Variants in MYO16 observed in about 807,000 individuals in gnomAD.
The protein encoded by MYO16 is myosin XVI.
In MYO16, 94 loss-of-function variants were observed where a neutral mutation model predicts 205.3. That is an observed-to-expected ratio of 0.46 (90% confidence interval 0.39 to 0.54). The LOEUF (loss-of-function observed/expected upper bound fraction) is 0.54. Among genes scored for constraint, MYO16 ranks in the 20% least tolerant of loss-of-function variants. MYO16 has a pLI of 0.00. For synonymous variants in MYO16, 988 were observed against 954.0 expected, an observed-to-expected ratio of 1.04 and a Z score of -0.66; for missense variants, 2,315 against 2,387.5, an observed-to-expected ratio of 0.97 and a Z score of 0.63.
intron 15 of MYO16, among the ~76,000 whole-genome samples, chr13:108,898,836 A>G (rs1880568204): frequency 1.3e-5 from 2 of 152,186 alleles, no homozygotes; most frequent in South Asian, 2.1e-4. Flanking sequence ...ACAGATTATT[A>G]ATGCAAATTA....
chr13:109,195,242 A>T (rs1880103803), intron 34 of MYO16, among the ~76,000 whole-genome samples: 1 of 152,156 alleles, frequency 6.6e-6, no homozygotes, highest in African/African-American at 2.4e-5. Context: ...AAAACTTTTA[A>T]CGTGCCTTTT....
In MYO16 at chr13:109,140,536, G is replaced by A; in HGVS notation, c.4324G>A (p.Ala1442Thr). 1 of 1,549,922 alleles carries A rather than the reference G, an allele frequency of 6.5e-7. No individual in the cohort carries two copies. Among genetic ancestry groups the A allele is most frequent in the Non-Finnish European group, 8.7e-7 (1 of 1,155,924 alleles). Residue 1442 changes from alanine to threonine, a missense_variant, in exon 32 of 35, where the codon GCC becomes ACC. Coordinates refer to ENST00000457511, the MANE Select transcript of MYO16 (RefSeq NM_001198950.3). The surrounding 1 kb of genome is among the most constrained non-coding windows in gnomAD (Gnocchi z 8.0). ...GTACATCGAGATGCTGGGGCACGCG[G>A]CCAGGCCCGATAGCCCGGACCCCGG... ...PVYIEMLGHA[A>T]RPDSPDPGES...
At chr13:108,686,497 A>C (rs1395126418) in intron 2 of MYO16, among the ~76,000 whole-genome samples, 1 of 152,214 alleles carries the variant, frequency 6.6e-6, no homozygotes, top group Non-Finnish European at 1.5e-5. Context: ...CAGCGAAGGA[A>C]GCTGTGATGA....
intron 34 of MYO16, among the ~76,000 whole-genome samples, chr13:109,202,993 C>G (rs1259872454): frequency 1.3e-5 from 2 of 152,132 alleles, no homozygotes; most frequent in Non-Finnish European, 2.9e-5. Flanking sequence ...TGGCAAGCCA[C>G]ATATAGGAGA....
chr13:108,581,647 A>T, the MYO16 span, among the ~76,000 whole-genome samples: 1 of 151,942 alleles, frequency 6.6e-6, no homozygotes, highest in Admixed American at 6.6e-5. Flanking sequence ...GCACTTTGGG[A>T]GGTGGAGGCA....
chr13:108,502,062 A>T, the MYO16 span, among the ~76,000 whole-genome samples: 1 of 152,086 alleles, frequency 6.6e-6, no homozygotes, highest in African/African-American at 2.4e-5. Flanking sequence ...AAATACAAAA[A>T]ATTAGCTGGG....
At chr13:108,618,191 C>T (rs1178663225) in intron 1 of MYO16, among the ~76,000 whole-genome samples, 1 of 152,128 alleles carries the variant, frequency 6.6e-6, no homozygotes, top group Non-Finnish European at 1.5e-5. Flanking sequence ...GATTTAACTC[C>T]TCTGTTAAAA....
chr13:109,047,021 T>G (rs1398938383), intron 24 of MYO16, 30 bp downstream of exon 24: 1 of 1,440,818 alleles, frequency 6.9e-7, no homozygotes, highest in Non-Finnish European at 9.7e-7. Context: ...TGCCCTACAC[T>G]GGTTAAAATG....
chr13:109,097,706 G>T (rs2139704143), intron 27 of MYO16, among the ~76,000 whole-genome samples: 1 of 152,224 alleles, frequency 6.6e-6, no homozygotes, highest in South Asian at 2.1e-4. Flanking sequence ...CTTGCCTCTG[G>T]CACTGCAAAT....
At chr13:108,754,283 T>C (rs773463778) in intron 4 of MYO16, among the ~76,000 whole-genome samples, 2 of 152,030 alleles carry the variant, frequency 1.3e-5, no homozygotes, top group African/African-American at 2.4e-5. Context: ...AGCTGTAGCA[T>C]GAAGAACAAG....
chr13:108,789,592 G>A lies in MYO16; in HGVS notation c.616+3849G>A, dbSNP rs546715702. Among the ~76,000 whole-genome samples the A allele has an allele frequency of 1.2e-4, 18 of 152,258 alleles. No individual in the cohort carries two copies. In the South Asian group the frequency reaches 3.5e-3, roughly 30 times the overall value. On this transcript the variant is annotated intron_variant, in intron 5 of 34. Transcript: ENST00000457511. ...GCAAGTCGTGCCTGCTGTTAGGGTT[G>A]GGAGAAAGCAATGGGTAGAGGGTAG...
intron 10 of MYO16, among the ~76,000 whole-genome samples, chr13:108,849,103 C>G (rs751985437): frequency 2.6e-5 from 4 of 152,154 alleles, no homozygotes; most frequent in Admixed American, 6.5e-5. Context: ...CCTTGGGAAG[C>G]GAAGTAAAGT....
intron 7 of MYO16, among the ~76,000 whole-genome samples, chr13:108,818,464 AAGAG>A (rs368342291): frequency 1.7e-4 from 26 of 150,282 alleles, no homozygotes; most frequent in African/African-American, 3.5e-4. Context: ...AAAAATAAAA[AAGAG>A]AGAGATTAAT....
chr13:109,163,908 C>G (rs1039363039), intron 32 of MYO16: 2 of 152,166 alleles, frequency 1.3e-5, no homozygotes, highest in African/African-American at 4.8e-5. Flanking sequence ...TGTGTTGTCC[C>G]ATTCAAATAA....
intron 2 of MYO16, among the ~76,000 whole-genome samples, chr13:108,709,259 C>T (rs953679229): frequency 1.3e-5 from 2 of 152,126 alleles, no homozygotes; most frequent in African/African-American, 2.4e-5. Context: ...GCTATGAACC[C>T]GTACCTTTTT....
At chr13:108,645,967 G>T (rs7338053) in intron 1 of MYO16, among the ~76,000 whole-genome samples, 2 of 152,056 alleles carry the variant, frequency 1.3e-5, no homozygotes, top group Non-Finnish European at 2.9e-5. Context: ...GAGCCAGGTG[G>T]GAAACCCTCT....
At chr13:108,788,834 C>G (rs939834189) in intron 5 of MYO16, among the ~76,000 whole-genome samples, 1 of 152,210 alleles carries the variant, frequency 6.6e-6, no homozygotes, top group African/African-American at 2.4e-5. Context: ...CTCTTAGGAA[C>G]AGTCTCTCTC....
At chr13:108,620,206 C>T (rs1879489541) in intron 1 of MYO16, among the ~76,000 whole-genome samples, 1 of 151,960 alleles carries the variant, frequency 6.6e-6, no homozygotes, top group Non-Finnish European at 1.5e-5. Context: ...TAATTGTTTG[C>T]TATATAAGTT....
intron 2 of MYO16, among the ~76,000 whole-genome samples, chr13:108,701,085 G>A (rs1257177826): frequency 6.6e-6 from 1 of 152,148 alleles, no homozygotes; most frequent in Non-Finnish European, 1.5e-5. Context: ...CGATAAATGA[G>A]CAGAGATTTC....
Sources: allele counts gnomAD v4.1 joint callset (sites outside exome capture counted in the v4.1 genomes callset), GRCh38; gene constraint gnomAD v4.1.1; non-coding constraint Gnocchi (gnomAD v3.1); transcripts MANE v1.5; gene names NCBI Gene and HGNC (gene_info 2026-07-23, HGNC 2026-07-21).